The following SBNO1 variants were observed in gnomAD, a reference collection of about 807,000 sequenced individuals.
SBNO1 encodes protein strawberry notch homolog 1.
In SBNO1, 23 loss-of-function variants were observed where a neutral mutation model predicts 173.6. The observed-to-expected ratio is 0.13, with a 90% CI of 0.10 to 0.19. SBNO1 has a LOEUF of 0.19. Among genes scored for constraint, SBNO1 ranks in the 10% least tolerant of loss-of-function variants. The pLI is 1.00. For missense variants in SBNO1, 1,238 were observed against 1,671.2 expected (o/e 0.74, Z 4.52); for synonymous variants, 632 against 571.5 (o/e 1.11, Z -1.51).
intron 5 of SBNO1, 51 bp downstream of exon 5, chr12:123,340,937 A>T (rs1435636861): frequency 8.9e-7 from 1 of 1,125,520 alleles, no homozygotes; most frequent in Non-Finnish European, 1.3e-6. Context: ...CTTTTAGTTG[A>T]GTACACTCTC....
intron 1 of SBNO1, among the ~76,000 whole-genome samples, chr12:123,352,813 T>C (rs998790220): frequency 6.6e-6 from 1 of 152,122 alleles, no homozygotes; most frequent in African/African-American, 2.4e-5. Context: ...AGGAGATTTT[T>C]TGGAGACGGA....
At chr12:123,347,031 T>C (rs1407133298) in intron 3 of SBNO1, among the ~76,000 whole-genome samples, 1 of 142,178 alleles carries the variant, frequency 7.0e-6, no homozygotes, top group Non-Finnish European at 1.5e-5. Context: ...CGAGCCGAGA[T>C]GGTGCCACTG....
chr12:123,326,825 G>A (rs534511113), intron 13 of SBNO1, among the ~76,000 whole-genome samples: 1 of 152,224 alleles, frequency 6.6e-6, no homozygotes, highest in Non-Finnish European at 1.5e-5. Context: ...TACTCAGGAG[G>A]CAGAGTCTGG....
chr12:123,328,872 G>A lies in SBNO1; in HGVS notation c.1158C>T (p.Ser386=). 6.4e-7 allele frequency: 1 copy of A among 1,565,880 alleles called. No individual in the cohort carries two copies. Among genetic ancestry groups the A allele is most frequent in the Non-Finnish European group, 8.7e-7 (1 of 1,153,156 alleles). Residue 386 remains serine (S), a synonymous_variant, in exon 10 of 32, where the codon TCC becomes TCT. Transcript: ENST00000602398. ...LNKFKYGKIS[S]KHNGSVKKGV... ...CCTTTTTCACACTCCCATTATGTTT[G>A]GAAGAAATTTTTCCGTATTTAAACT...
chr12:123,340,495 C>A (rs1331143418), intron 5 of SBNO1, among the ~76,000 whole-genome samples: 2 of 145,284 alleles, frequency 1.4e-5, no homozygotes, highest in Admixed American at 1.4e-4. Context: ...GTGGGAGAAT[C>A]ACTTGAACCT....
chr12:123,311,720 C>CTATCTATCCA (rs1224940028), intron 24 of SBNO1, among the ~76,000 whole-genome samples: 1 of 127,434 alleles, frequency 7.8e-6, no homozygotes, highest in Non-Finnish European at 1.6e-5. Context: ...ATCTATCTAT[C>CTATCTATCCA]TATATATATA....
Position 123,290,098 on chromosome 12 carries a change from G to A in SBNO1, c.*5810C>T, listed in dbSNP as rs908904236. The A allele has an allele frequency of 2.0e-5, 3 of 152,224 alleles. No homozygotes were observed. In the East Asian group the frequency reaches 5.8e-4, roughly 29 times the overall value. The allele number at this position is 152,224 out of a possible 1,614,324, so 9.4% of individuals were successfully genotyped here. A position where few individuals can be genotyped will look rare whatever the true frequency, so the allele number is the denominator to read the frequency against. On this transcript the variant is annotated 3_prime_UTR_variant, in exon 32 of 32. Coordinates refer to ENST00000602398, the MANE Select transcript of SBNO1 (RefSeq NM_001167856.3). Reference sequence around the variant, plus strand: ...TTCCTTGCTTAGCCCTGCACTAAGGGGCAGTCTTGCTGGACGGTGCCCTGC... The same window carrying A: ...TTCCTTGCTTAGCCCTGCACTAAGGAGCAGTCTTGCTGGACGGTGCCCTGC...
At chr12:123,347,564 C>T (rs1325825767) in intron 3 of SBNO1, among the ~76,000 whole-genome samples, 6 of 151,346 alleles carry the variant, frequency 4.0e-5, no homozygotes, top group African/African-American at 1.2e-4. Context: ...CTCACTCTGT[C>T]GCCCAGGCTG....
rs780215633 is a variant in SBNO1, at chr12:123,323,699, A to C, written c.2106T>G (p.Asn702Lys). 1 of 1,605,608 alleles carries C rather than the reference A, an allele frequency of 6.2e-7. No individual in the cohort carries two copies. Among genetic ancestry groups the C allele is most frequent in the Non-Finnish European group, 8.5e-7 (1 of 1,177,422 alleles). ...GCTCACCTTTCCGCTTCTTTATTTT[A>C]TTTTCTTTACAAGGACTATCTCTTG... is the stretch of plus-strand genomic sequence containing the variant. ...SSPRDSPCKE[N>K]KIKKRKGEEI... is the part of the protein sequence containing the mutation. Residue 702 changes from asparagine (N) to lysine (K), a missense_variant, in exon 16 of 32, where the codon AAT becomes AAG. By Grantham distance (94) the Asn-to-Lys change is moderately conservative. This residue lies in a region of SBNO1 where 81 missense variants were observed against 82.6 expected (regional missense o/e 0.98). Coordinates refer to ENST00000602398, the MANE Select transcript of SBNO1 (RefSeq NM_001167856.3).
At chr12:123,297,009 T>C (rs1205859374) in intron 31 of SBNO1, among the ~76,000 whole-genome samples, 1 of 151,980 alleles carries the variant, frequency 6.6e-6, no homozygotes, top group Non-Finnish European at 1.5e-5. Flanking sequence ...GGGCTGCTTT[T>C]GAAACTGGAA....
At chr12:123,319,368 AATG>A (rs1869693273) in intron 20 of SBNO1, among the ~76,000 whole-genome samples, 1 of 152,218 alleles carries the variant, frequency 6.6e-6, no homozygotes, top group Non-Finnish European at 1.5e-5. Flanking sequence ...TATTATATTC[AATG>A]ATAAAATAAT....
chr12:123,349,053 A>G (rs1165160285), intron 2 of SBNO1: 1 of 151,122 alleles, frequency 6.6e-6, no homozygotes. Context: ...GAAATCTGTA[A>G]CTGGCTGTGA....
At position 123,314,484 on chromosome 12, in the gene SBNO1, C is replaced by T. The variant is rs552258751; in HGVS notation, c.3121-765G>A. On this transcript the variant is annotated intron_variant, in intron 23 of 31. Transcript: ENST00000602398. ...AGCTAGGACTACAGGCGCACACCACCACGCCCAGCTAATTTTTCTATTTTT... is the reference window on the plus strand; with the variant it reads ...AGCTAGGACTACAGGCGCACACCACTACGCCCAGCTAATTTTTCTATTTTT... 1.1e-4 allele frequency among the ~76,000 whole-genome samples: 17 copies of T among 152,102 alleles called. No homozygotes were observed. The South Asian group carries it at 3.1e-3, about 28-fold the overall frequency.
intron 17 of SBNO1, 149 bp downstream of exon 17, chr12:123,321,386 G>C: frequency 1.6e-6 from 1 of 640,972 alleles, no homozygotes; most frequent in East Asian, 2.8e-5. Flanking sequence ...CAAACTTCCA[G>C]AAGGTAGATA....
chr12:123,340,752 G>C (rs552399241), intron 5 of SBNO1, among the ~76,000 whole-genome samples: 11 of 152,154 alleles, frequency 7.2e-5, no homozygotes, highest in African/African-American at 2.7e-4. Context: ...ATTTTTAACA[G>C]TAAGATATCA....
At chr12:123,319,554 T>C (rs1869711104) in intron 20 of SBNO1, among the ~76,000 whole-genome samples, 1 of 152,010 alleles carries the variant, frequency 6.6e-6, no homozygotes, top group African/African-American at 2.4e-5. Flanking sequence ...ACTACAGGCA[T>C]GCACTACCAC....
Position 123,328,080 on chromosome 12 carries a change from C to T in SBNO1, c.1297-53G>A. ...CACATTAGTATTAAGTAAGAATCTC[C>T]AGTCTTTCAAGAAGAGTTAACTTTT... On this transcript the variant is annotated intron_variant, in intron 10 of 31. Transcript: ENST00000602398. 4 of 1,435,234 alleles carry T rather than the reference C, an allele frequency of 2.8e-6. No individual in the cohort carries two copies. The South Asian group carries it at 3.8e-5, about 14-fold the overall frequency. 88.9% of individuals were successfully genotyped at this position (1,435,234 alleles called of 1,614,324 possible).
chr12:123,295,675 G>A lies in SBNO1; in HGVS notation c.*233C>T, dbSNP rs1028188545. 4 of 503,622 alleles carry A rather than the reference G, an allele frequency of 7.9e-6. No individual in the cohort carries two copies. Among genetic ancestry groups the A allele is most frequent in the Non-Finnish European group, 1.4e-5 (4 of 280,200 alleles). 31.2% of individuals were successfully genotyped at this position (503,622 alleles called of 1,614,324 possible). ...CCCCCTCTGCTCACCCGAAGTAAAA[G>A]CAGATGGGAATTATCAGGGGAGAAG... On this transcript the variant is annotated 3_prime_UTR_variant, in exon 32 of 32. Transcript: ENST00000602398.
chr12:123,364,654 C>G, intron 1 of SBNO1, 47 bp downstream of exon 1: 6 of 980,914 alleles, frequency 6.1e-6, no homozygotes, highest in Non-Finnish European at 7.3e-6. Context: ...GGAGGCTGTC[C>G]GGGAGGGGGA....
Sources: gnomAD v4.1 joint callset for allele counts (sites outside exome capture counted in the v4.1 genomes callset) on GRCh38, gnomAD v4.1.1 for gene constraint, gnomAD v4.1.1 regional missense constraint, MANE v1.5 for transcripts, NCBI Gene and HGNC (gene_info 2026-07-23, HGNC 2026-07-21) for gene names.